NTNG1: variants seen among roughly 807,000 people sequenced by gnomAD.
NTNG1 encodes the protein netrin-G1.
Under a neutral mutation model 54.0 loss-of-function variants are expected in NTNG1, and 16 were observed. That is an observed-to-expected ratio of 0.30 (90% CI 0.20 to 0.45). The LOEUF (loss-of-function observed/expected upper bound fraction) is 0.45. Among genes scored for constraint, NTNG1 ranks in the 20% least tolerant of loss-of-function variants. The probability of loss-of-function intolerance (pLI) is 1.00; values close to 1 mark genes in which losing one functional copy is unlikely to be tolerated. For synonymous variants in NTNG1, 255 were observed against 263.1 expected (o/e 0.97, Z 0.30); for missense variants, 530 against 678.7 (o/e 0.78, Z 2.43).
chr1:107,309,142 C>A (rs1016357755), intron 2 of NTNG1, among the ~76,000 whole-genome samples: 1 of 152,108 alleles, frequency 6.6e-6, no homozygotes, highest in African/African-American at 2.4e-5. Context: ...TCCAATCTAT[C>A]CTCCTTTCAT....
chr1:107,431,865 A>G (rs1675288917), intron 6 of NTNG1, among the ~76,000 whole-genome samples: 1 of 152,194 alleles, frequency 6.6e-6, no homozygotes, highest in Admixed American at 6.5e-5. Flanking sequence ...GGTACGTTCA[A>G]TAGGATACAC....
At chr1:107,448,122 C>G (rs942851457) in intron 7 of NTNG1, among the ~76,000 whole-genome samples, 3 of 152,058 alleles carry the variant, frequency 2.0e-5, no homozygotes, top group African/African-American at 7.2e-5. Context: ...TACCACTTTT[C>G]TAGCTTGCTT....
At chr1:107,418,536 T>C (rs1165201904) in intron 5 of NTNG1, 3 of 1,382,908 alleles carry the variant, frequency 2.2e-6, no homozygotes, top group South Asian at 1.3e-5. Context: ...CAAATGACAT[T>C]ATAGCTGAAA....
chr1:107,457,221 C>CAA (rs1677004845), intron 7 of NTNG1, among the ~76,000 whole-genome samples: 1 of 152,172 alleles, frequency 6.6e-6, no homozygotes, highest in Non-Finnish European at 1.5e-5. Context: ...CATCCAAATA[C>CAA]AAAGTAAACA....
chr1:107,233,063 T>C (rs902554551), intron 2 of NTNG1, among the ~76,000 whole-genome samples: 1 of 152,248 alleles, frequency 6.6e-6, no homozygotes, highest in Non-Finnish European at 1.5e-5. Context: ...TCTACTTTTG[T>C]TTCAAGGTTG....
chr1:107,222,048 TG>T (rs1432233371), intron 2 of NTNG1, among the ~76,000 whole-genome samples: 6 of 152,002 alleles, frequency 3.9e-5, no homozygotes, highest in African/African-American at 4.8e-5. Flanking sequence ...CCTTCATACG[TG>T]TTGTTGTGTC....
chr1:107,394,635 C>T (rs1320229726), intron 3 of NTNG1, among the ~76,000 whole-genome samples: 3 of 152,180 alleles, frequency 2.0e-5, no homozygotes, highest in Non-Finnish European at 4.4e-5. Flanking sequence ...AATGAGAACA[C>T]TTGATTATAA....
At chr1:107,162,783 T>C (rs893845091) in intron 2 of NTNG1, among the ~76,000 whole-genome samples, 5 of 152,304 alleles carry the variant, frequency 3.3e-5, no homozygotes, top group South Asian at 2.1e-4. Context: ...GTAATTTTTT[T>C]CCCAAATTTA....
At chr1:107,347,979 G>A (rs139917102) in intron 3 of NTNG1, among the ~76,000 whole-genome samples, 65 of 152,228 alleles carry the variant, frequency 4.3e-4, no homozygotes, top group African/African-American at 1.5e-3. Context: ...ATTACAATTT[G>A]AGGTGAGATT....
intron 2 of NTNG1, among the ~76,000 whole-genome samples, chr1:107,268,905 T>C (rs370239208): frequency 6.6e-6 from 1 of 152,176 alleles, no homozygotes; most frequent in Admixed American, 6.5e-5. Flanking sequence ...TCAACAGATA[T>C]ATCTAGGAGC....
At chr1:107,283,110 G>A (rs887145019) in intron 2 of NTNG1, among the ~76,000 whole-genome samples, 7 of 152,162 alleles carry the variant, frequency 4.6e-5, no homozygotes, top group South Asian at 4.1e-4. Context: ...ACTTTGCAGG[G>A]ACACAAACTT....
intron 2 of NTNG1, among the ~76,000 whole-genome samples, chr1:107,169,073 G>T (rs1374384195): frequency 6.6e-6 from 1 of 151,864 alleles, no homozygotes. Flanking sequence ...CTTTTTTCTT[G>T]AATTTATAGA....
chr1:107,250,381 ATGAAACCC>A (rs1662508726), intron 2 of NTNG1, among the ~76,000 whole-genome samples: 2 of 152,100 alleles, frequency 1.3e-5, no homozygotes, highest in African/African-American at 4.8e-5. Context: ...GGGAAACACT[ATGAAACCC>A]TGAGGGTTGA....
intron 2 of NTNG1, among the ~76,000 whole-genome samples, chr1:107,158,478 G>A (rs1472459627): frequency 6.6e-6 from 1 of 152,156 alleles, no homozygotes; most frequent in Non-Finnish European, 1.5e-5. Flanking sequence ...ATTGAACTAA[G>A]TGTTGCTCCA....
Position 107,430,807 on chromosome 1 carries a change from T to C in NTNG1, c.1145T>C (p.Val382Ala). The C allele has an allele frequency of 6.2e-7, 1 of 1,613,186 alleles. No homozygotes were observed. Among genetic ancestry groups the C allele is most frequent in the Non-Finnish European group, 8.5e-7 (1 of 1,179,596 alleles). The change falls in exon 6 of 8, where the codon GTC (valine) becomes GCC (alanine). Residue 382 changes from valine (V) to alanine (A), a missense_variant. Physicochemically the swap from Val to Ala is moderately conservative, Grantham distance 64 (BLOSUM62 0). Transcript: ENST00000370068. Reference protein sequence around the residue: ...RCSYIDLLNTVICVSCKHNTR... With the variant: ...RCSYIDLLNTAICVSCKHNTR... ...AGTTATATCGATCTGCTAAATACAGTCATTTGCGTGAGCTGTAAACACAAC... is the reference window on the plus strand; with the variant it reads ...AGTTATATCGATCTGCTAAATACAGCCATTTGCGTGAGCTGTAAACACAAC...
intron 3 of NTNG1, among the ~76,000 whole-genome samples, chr1:107,389,854 C>T (rs1672257695): frequency 6.6e-6 from 1 of 152,124 alleles, no homozygotes; most frequent in South Asian, 2.1e-4. Context: ...CAGTCCTCCC[C>T]TGCCTAAAGC....
chr1:107,211,315 G>T (rs1312618474), intron 2 of NTNG1, among the ~76,000 whole-genome samples: 3 of 151,996 alleles, frequency 2.0e-5, no homozygotes, highest in African/African-American at 7.3e-5. Context: ...CTAAGCCCCA[G>T]ACTGAAATGA....
chr1:107,152,766 A>G (rs1158029117), intron 2 of NTNG1, among the ~76,000 whole-genome samples: 4 of 152,208 alleles, frequency 2.6e-5, no homozygotes, highest in African/African-American at 9.6e-5. Context: ...TTTCCCTTGG[A>G]GACGTTCAGC....
intron 2 of NTNG1, among the ~76,000 whole-genome samples, chr1:107,324,023 A>G (rs1183693354): frequency 6.6e-6 from 1 of 151,946 alleles, no homozygotes; most frequent in Non-Finnish European, 1.5e-5. Flanking sequence ...TGACCACATT[A>G]TGGGTCTAAC....
Sources: gnomAD v4.1 joint callset for allele counts (sites outside exome capture counted in the v4.1 genomes callset) on GRCh38, gnomAD v4.1.1 for gene constraint, MANE v1.5 for transcripts, NCBI Gene and HGNC (gene_info 2026-07-23, HGNC 2026-07-21) for gene names.